The following PTER variants were observed in gnomAD, a reference collection of about 807,000 sequenced individuals.
PTER encodes the protein N-acetyltaurine hydrolase.
PTER carries 38 observed loss-of-function variants against 29.6 expected under a neutral mutation model. The ratio of observed to expected loss-of-function variants is 1.28; its 90% CI spans 0.99 to 1.68. The LOEUF (loss-of-function observed/expected upper bound fraction) is 1.68. Ranked by LOEUF, PTER falls within the 40% of genes most tolerant of loss-of-function variation. The pLI, the probability that PTER is intolerant of heterozygous loss-of-function variation, is 0.00. For synonymous variants in PTER, 172 were observed against 154.5 expected, an observed-to-expected ratio of 1.11 and a Z score of -0.84; for missense variants, 482 against 427.8, an observed-to-expected ratio of 1.13 and a Z score of -1.12.
intron 1 of PTER, among the ~76,000 whole-genome samples, chr10:16,473,093 A>G (rs1835115207): frequency 6.6e-6 from 1 of 151,980 alleles, no homozygotes. Context: ...ACTTTGGAAT[A>G]AACCGTTTGG....
At chr10:16,486,270 T>C in intron 2 of PTER, 82 bp from the exon 3 acceptor site, 1 of 1,337,034 alleles carries the variant, frequency 7.5e-7, no homozygotes, top group Non-Finnish European at 1.0e-6. Flanking sequence ...ACAAAATAAA[T>C]AAATTCATTC....
chr10:16,511,553 C>A lies in PTER; in HGVS notation c.*297C>A. On this transcript the variant is annotated 3_prime_UTR_variant, in exon 5 of 5. Coordinates refer to ENST00000535784, the MANE Select transcript of PTER (RefSeq NM_001261836.2). ...CCTAAGCGGAGTTGTTGTTTTTCTC[C>A]CTAATCTATCAGCTGCACTACTTGA... 3.1e-6 allele frequency: 1 copy of A among 317,782 alleles called. No homozygotes were observed. Among genetic ancestry groups the A allele is most frequent in the Non-Finnish European group, 5.9e-6 (1 of 170,560 alleles). 19.7% of individuals were successfully genotyped at this position (317,782 alleles called of 1,614,324 possible).
chr10:16,503,926 G>T (rs1836461509), intron 3 of PTER, among the ~76,000 whole-genome samples: 1 of 152,190 alleles, frequency 6.6e-6, no homozygotes, highest in Non-Finnish European at 1.5e-5. Context: ...ACTGTCTAAT[G>T]TTCCCAACTC....
At chr10:16,502,666 G>A (rs1836396406) in intron 3 of PTER, among the ~76,000 whole-genome samples, 1 of 152,054 alleles carries the variant, frequency 6.6e-6, no homozygotes. Flanking sequence ...GTGGCACAGG[G>A]AGGCTTAATT....
intron 1 of PTER, among the ~76,000 whole-genome samples, chr10:16,471,212 G>A (rs1322802270): frequency 6.6e-6 from 1 of 152,176 alleles, no homozygotes; most frequent in African/African-American, 2.4e-5. Flanking sequence ...CAAGTCTCAG[G>A]CAAGACAGGC....
At chr10:16,501,935 A>G (rs1836366061) in intron 3 of PTER, among the ~76,000 whole-genome samples, 1 of 152,248 alleles carries the variant, frequency 6.6e-6, no homozygotes, top group Admixed American at 6.5e-5. Context: ...AATGTCAGAC[A>G]CATAGTAAGT....
intron 1 of PTER, among the ~76,000 whole-genome samples, chr10:16,443,704 C>T (rs1196596718): frequency 6.6e-6 from 1 of 152,202 alleles, no homozygotes; most frequent in Non-Finnish European, 1.5e-5. Context: ...TCAAGCGTAC[C>T]TTGCAGTCTG....
chr10:16,445,926 G>A (rs151050434), intron 1 of PTER, among the ~76,000 whole-genome samples: 5 of 152,118 alleles, frequency 3.3e-5, no homozygotes, highest in East Asian at 3.9e-4. Flanking sequence ...TGTGAGTCTC[G>A]CTCACATTTC....
intron 1 of PTER, among the ~76,000 whole-genome samples, chr10:16,446,880 C>G (rs1834032961): frequency 6.6e-6 from 1 of 152,028 alleles, no homozygotes; most frequent in African/African-American, 2.4e-5. Context: ...CCTCTGCCTC[C>G]TGGGTTCAAG....
intron 1 of PTER, among the ~76,000 whole-genome samples, chr10:16,446,938 G>A (rs903634383): frequency 1.5e-4 from 23 of 151,980 alleles, no homozygotes; most frequent in African/African-American, 5.3e-4. Flanking sequence ...ACAGGCGTGC[G>A]CTACCATGCC....
chr10:16,484,189 G>A (rs559742758), intron 1 of PTER, 148 bp from the exon 2 acceptor site: 107 of 566,774 alleles, frequency 1.9e-4, no homozygotes, highest in Middle Eastern at 4.7e-4. Context: ...TTCTGAAGTC[G>A]GCAGGATTGT....
At chr10:16,514,119 C>A (rs559483550), downstream of PTER, 34 of 394,086 alleles carry the variant, frequency 8.6e-5, no homozygotes, top group Non-Finnish European at 1.4e-4. Context: ...TGAATGGACT[C>A]CAAGTATCAT....
intron 1 of PTER, among the ~76,000 whole-genome samples, chr10:16,463,549 G>A (rs1013157350): frequency 4.6e-5 from 7 of 152,110 alleles, no homozygotes; most frequent in Non-Finnish European, 7.4e-5. Context: ...CCGATTAGCC[G>A]GGATTACAGG....
chr10:16,462,227 C>A (rs974603723), intron 1 of PTER, among the ~76,000 whole-genome samples: 2 of 152,142 alleles, frequency 1.3e-5, no homozygotes, highest in African/African-American at 2.4e-5. Flanking sequence ...CTCAAGCAAT[C>A]CACCCGCCTC....
intron 3 of PTER, among the ~76,000 whole-genome samples, chr10:16,494,499 C>T (rs1470494110): frequency 6.6e-6 from 1 of 152,144 alleles, no homozygotes; most frequent in Non-Finnish European, 1.5e-5. Context: ...TTTTCATTCC[C>T]AGTTATTCTC....
At chr10:16,443,868 C>T (rs573820132) in intron 1 of PTER, among the ~76,000 whole-genome samples, 3 of 152,208 alleles carry the variant, frequency 2.0e-5, no homozygotes, top group Admixed American at 6.5e-5. Context: ...GTGGTCCTAT[C>T]TGCTCTTTCT....
chr10:16,487,358 T>A (rs775062820), intron 3 of PTER, among the ~76,000 whole-genome samples: 43 of 152,152 alleles, frequency 2.8e-4, no homozygotes, highest in Non-Finnish European at 5.9e-4. Flanking sequence ...AGCTGTTCCA[T>A]GGTTTGTGGC....
intron 1 of PTER, among the ~76,000 whole-genome samples, chr10:16,477,320 A>G (rs1835314957): frequency 6.9e-6 from 1 of 144,706 alleles, no homozygotes; most frequent in Admixed American, 6.8e-5. Flanking sequence ...GTCTGTCTGC[A>G]CATGCATGTA....
At chr10:16,503,888 G>A (rs1836459958) in intron 3 of PTER, among the ~76,000 whole-genome samples, 1 of 152,116 alleles carries the variant, frequency 6.6e-6, no homozygotes, top group Non-Finnish European at 1.5e-5. Flanking sequence ...AGAAATATCA[G>A]CATGGATAAA....
Sources: gnomAD v4.1 joint callset for allele counts (sites outside exome capture counted in the v4.1 genomes callset) on GRCh38, gnomAD v4.1.1 for gene constraint, MANE v1.5 for transcripts, NCBI Gene and HGNC (gene_info 2026-07-23, HGNC 2026-07-21) for gene names.